Variants in LSAMP observed in about 807,000 individuals in gnomAD.
LSAMP encodes limbic system-associated membrane protein.
In LSAMP, 7 loss-of-function variants were observed where a neutral mutation model predicts 38.6. The observed-to-expected ratio is 0.18, with a 90% CI of 0.10 to 0.34. The LOEUF (loss-of-function observed/expected upper bound fraction) is 0.34, where lower values mean the gene tolerates loss of function less well. LSAMP is among the 10% of genes least tolerant of loss of function. The pLI, the probability that LSAMP is intolerant of heterozygous loss-of-function variation, is 1.00. For missense variants in LSAMP, 313 were observed against 420.0 expected, an observed-to-expected ratio of 0.75 and a Z score of 2.23; for synonymous variants, 154 against 166.8, an observed-to-expected ratio of 0.92 and a Z score of 0.59.
At chr3:115,816,287 G>A (rs1353241485) in intron 6 of LSAMP, among the ~76,000 whole-genome samples, 1 of 152,168 alleles carries the variant, frequency 6.6e-6, no homozygotes. Context: ...TGGGCAGTGA[G>A]CATTTCCAAA....
chr3:116,113,420 A>ATATATATATATATATTT (rs1553705042), intron 1 of LSAMP, among the ~76,000 whole-genome samples: 1 of 51,044 alleles, frequency 2.0e-5, no homozygotes, highest in African/African-American at 9.6e-5. Flanking sequence ...ATATATATAT[A>ATATATATATATATATTT]TTTTTTTTTT....
intron 3 of LSAMP, among the ~76,000 whole-genome samples, chr3:115,990,478 T>C (rs1939636221): frequency 6.6e-6 from 1 of 152,072 alleles, no homozygotes. Flanking sequence ...TTAGCTTGCA[T>C]ACAAGGTCAT....
At position 116,313,047 on chromosome 3, in the gene LSAMP, C is replaced by T. The variant is rs1004332516; in HGVS notation, c.155+131830G>A. ...GATCCTAAGTTCTTTGGAACAAAAA[C>T]ATTCTGATGAAGACCCCATAGCACA... On this transcript the variant is annotated intron_variant, in intron 1 of 6. Transcript: ENST00000490035. Among the ~76,000 whole-genome samples the T allele has an allele frequency of 4.6e-5, 7 of 152,274 alleles. No individual in the cohort carries two copies. The South Asian group carries it at 8.3e-4, about 18-fold the overall frequency.
rs77174657 is a variant in LSAMP at position 116,105,139 on chromosome 3, T to C, written c.156-18583A>G. On this transcript the variant is annotated intron_variant, in intron 1 of 6. Transcript: ENST00000490035. ...CATGATGAAGGCATTCATAGAACTC[T>C]TGGCTACAGAAGAGATATTTTTCAG... Among the ~76,000 whole-genome samples the C allele has an allele frequency of 3.8e-4, 58 of 151,644 alleles. 1 individual carries two copies. The East Asian group carries it at 0.011, about 29-fold the overall frequency.
At chr3:116,420,361 G>A (rs1023956353) in intron 1 of LSAMP, among the ~76,000 whole-genome samples, 1 of 151,888 alleles carries the variant, frequency 6.6e-6, no homozygotes. Flanking sequence ...GCCTCCCAAA[G>A]TGCTGGGATT....
chr3:116,212,893 G>A (rs2046176686), intron 1 of LSAMP, among the ~76,000 whole-genome samples: 1 of 152,182 alleles, frequency 6.6e-6, no homozygotes, highest in Non-Finnish European at 1.5e-5. Context: ...TAAGTACAAA[G>A]TTATACTATT....
intron 1 of LSAMP, among the ~76,000 whole-genome samples, chr3:116,266,703 CAG>C (rs2046896379): frequency 6.6e-6 from 1 of 151,840 alleles, no homozygotes; most frequent in African/African-American, 2.4e-5. Flanking sequence ...CATGCAGAAA[CAG>C]AGGCAAGGGC....
chr3:116,197,412 A>G (rs1048919878), intron 1 of LSAMP, among the ~76,000 whole-genome samples: 13 of 152,172 alleles, frequency 8.5e-5, no homozygotes, highest in Non-Finnish European at 4.4e-5. Context: ...ACTATAGTGC[A>G]GGCAATCATG....
At chr3:116,364,066 C>G (rs944530712) in intron 1 of LSAMP, among the ~76,000 whole-genome samples, 1 of 35,066 alleles carries the variant, frequency 2.9e-5, no homozygotes, top group Admixed American at 3.3e-4. Flanking sequence ...AAGAGGAAGT[C>G]AAATTGTCCC....
At chr3:116,100,657 A>T (rs1708325637) in intron 1 of LSAMP, among the ~76,000 whole-genome samples, 1 of 152,142 alleles carries the variant, frequency 6.6e-6, no homozygotes. Context: ...TGTCTTTCAT[A>T]GTGAACAGAA....
chr3:116,135,264 A>T (rs1382660883), intron 1 of LSAMP, among the ~76,000 whole-genome samples: 1 of 152,232 alleles, frequency 6.6e-6, no homozygotes, highest in East Asian at 1.9e-4. Context: ...CCTAGATACC[A>T]ACTAGAAGCA....
intron 6 of LSAMP, chr3:115,814,137 C>G (rs147125064): frequency 3.0e-4 from 46 of 152,222 alleles, no homozygotes; most frequent in Admixed American, 1.5e-3. Flanking sequence ...GTTTGGATTA[C>G]AGAAAGAGAT....
intron 1 of LSAMP, among the ~76,000 whole-genome samples, chr3:116,340,263 C>G (rs1468513767): frequency 6.6e-6 from 1 of 151,984 alleles, no homozygotes; most frequent in Non-Finnish European, 1.5e-5. Flanking sequence ...ATGAATGTGC[C>G]TGACATGTTG....
chr3:116,274,980 G>C (rs2047028260), intron 1 of LSAMP, among the ~76,000 whole-genome samples: 1 of 145,448 alleles, frequency 6.9e-6, no homozygotes, highest in Non-Finnish European at 1.5e-5. Context: ...CTGCTGCCCA[G>C]AGCAACTTTT....
At chr3:115,881,324 C>T (rs1012288291) in intron 3 of LSAMP, among the ~76,000 whole-genome samples, 1 of 152,128 alleles carries the variant, frequency 6.6e-6, no homozygotes, top group Admixed American at 6.6e-5. Context: ...CACACCTGTG[C>T]CTTCTAACAT....
chr3:116,206,070 A>C (rs563022767), intron 1 of LSAMP, among the ~76,000 whole-genome samples: 2 of 151,762 alleles, frequency 1.3e-5, no homozygotes, highest in Non-Finnish European at 2.9e-5. Context: ...GATTATTGCC[A>C]CAATTTCAGC....
intron 1 of LSAMP, among the ~76,000 whole-genome samples, chr3:116,266,804 T>G (rs867218369): frequency 6.6e-6 from 1 of 152,218 alleles, no homozygotes; most frequent in Middle Eastern, 3.4e-3. Flanking sequence ...ATATGATTAG[T>G]CTGTGAGAAA....
chr3:116,202,145 T>G lies in LSAMP; in HGVS notation c.156-115589A>C, dbSNP rs549816999. On this transcript the variant is annotated intron_variant, in intron 1 of 6. Transcript: ENST00000490035. Reference sequence around the variant, plus strand: ...TTTCTTTTCCTTTCCTTTCTTTTCTTTTTTTTTTTAGGCAGAGTCTCGCTC... The same window carrying G: ...TTTCTTTTCCTTTCCTTTCTTTTCTGTTTTTTTTTAGGCAGAGTCTCGCTC... Among the ~76,000 whole-genome samples the G allele has an allele frequency of 5.3e-4, 80 of 150,072 alleles. 2 individuals carry two copies. Among genetic ancestry groups the G allele is most frequent in the African/African-American group, 1.9e-3 (76 of 41,006 alleles).
At chr3:116,153,730 T>C (rs1258792972) in intron 1 of LSAMP, among the ~76,000 whole-genome samples, 1 of 152,140 alleles carries the variant, frequency 6.6e-6, no homozygotes, top group Admixed American at 6.5e-5. Context: ...TTTAACTCTT[T>C]GGCTTTCACT....
Sources: allele counts gnomAD v4.1 joint callset (sites outside exome capture counted in the v4.1 genomes callset), GRCh38; gene constraint gnomAD v4.1.1; transcripts MANE v1.5; gene names NCBI Gene and HGNC (gene_info 2026-07-23, HGNC 2026-07-21).